The following CIITA variants were observed in gnomAD, a reference collection of about 807,000 sequenced individuals.
The protein encoded by CIITA is MHC class II transactivator.
Under a neutral mutation model 115.1 loss-of-function variants are expected in CIITA, and 72 were observed. The observed-to-expected ratio is 0.63, with a 90% confidence interval of 0.52 to 0.76. The LOEUF is 0.76. Among genes scored for constraint, CIITA ranks in the 30% least tolerant of loss-of-function variants. The pLI is 0.00. For missense variants in CIITA, 1,617 were observed against 1,463.8 expected (o/e 1.10, Z -1.71); for synonymous variants, 763 against 635.6 (o/e 1.20, Z -3.02).
chr16:10,883,821 G>C (rs984019384), intron 1 of CIITA, among the ~76,000 whole-genome samples: 3 of 152,212 alleles, frequency 2.0e-5, no homozygotes, highest in African/African-American at 7.2e-5. Flanking sequence ...GTGCAATGCA[G>C]TCACAACAGA....
rs747159521 is a variant in CIITA, at chr16:10,907,827, G to A, written c.2335G>A (p.Ala779Thr). Reference sequence around the variant, plus strand: ...GGGAGCCCTACTCGGGCCATCGGCGGCTGCCTCGGTGGACAGGAAGCAGAA... The same window carrying A: ...GGGAGCCCTACTCGGGCCATCGGCGACTGCCTCGGTGGACAGGAAGCAGAA... Reference protein sequence around the residue: ...CLGALLGPSAAASVDRKQKVL... With the variant: ...CLGALLGPSATASVDRKQKVL... Residue 779 changes from alanine (A) to threonine (T), a missense_variant, in exon 11 of 20, where the codon GCT becomes ACT. Ala to Thr is a moderately conservative substitution (Grantham distance 58, BLOSUM62 0). Transcript: ENST00000324288. This position sits in a 1 kb window ranked among gnomAD's most constrained non-coding sequence, Gnocchi z 5.0. The A allele has an allele frequency of 9.9e-6, 16 of 1,613,686 alleles. No homozygotes were observed. Among genetic ancestry groups the A allele is most frequent in the Middle Eastern group, 1.6e-4 (1 of 6,082 alleles).
chr16:10,903,959 G>A (rs988733329), intron 9 of CIITA, 64 bp downstream of exon 9: 1 of 1,607,178 alleles, frequency 6.2e-7, no homozygotes, highest in Non-Finnish European at 8.5e-7. Flanking sequence ...GGAAGGAATT[G>A]TCTCAAATAA....
intron 7 of CIITA, 81 bp downstream of exon 7, chr16:10,902,265 C>A: frequency 1.3e-6 from 2 of 1,570,244 alleles, no homozygotes; most frequent in South Asian, 1.1e-5. Context: ...CAGGGACTGT[C>A]AGGAACTGGA....
At chr16:10,893,941 C>T (rs2037859671) in intron 1 of CIITA, among the ~76,000 whole-genome samples, 1 of 151,860 alleles carries the variant, frequency 6.6e-6, no homozygotes, top group Non-Finnish European at 1.5e-5. Context: ...AACTCCAGAC[C>T]CATCAGCAGT....
At position 10,901,610 on chromosome 16, in the gene CIITA, G is replaced by A. The variant is rs1236975944; in HGVS notation, c.481+52G>A. Reference sequence around the variant, plus strand: ...GGGAAGGGTGGATGCCTTGGGGAGGGGATGGAAGAGATTGAACTCCTGGCC... The same window carrying A: ...GGGAAGGGTGGATGCCTTGGGGAGGAGATGGAAGAGATTGAACTCCTGGCC... On this transcript the variant is annotated intron_variant, in intron 6 of 19. Coordinates refer to ENST00000324288, the MANE Select transcript of CIITA (RefSeq NM_000246.4). The surrounding 1 kb of genome is among the most constrained non-coding windows in gnomAD (Gnocchi z 6.8). 3.2e-6 allele frequency: 5 copies of A among 1,576,112 alleles called. No individual in the cohort carries two copies. In the African/African-American group the frequency reaches 5.4e-5, roughly 17 times the overall value.
chr16:10,891,047 C>T (rs1362351667), intron 1 of CIITA, among the ~76,000 whole-genome samples: 1 of 152,184 alleles, frequency 6.6e-6, no homozygotes, highest in East Asian at 1.9e-4. Flanking sequence ...ATTTCTCTGA[C>T]TGTGTGCTTA....
At chr16:10,872,891 C>T (rs921518093), upstream of CIITA, among the ~76,000 whole-genome samples, 5 of 152,254 alleles carry the variant, frequency 3.3e-5, no homozygotes, top group African/African-American at 7.2e-5. Context: ...CCATTTGGAA[C>T]TGGAGGCTGC....
intron 13 of CIITA, among the ~76,000 whole-genome samples, chr16:10,912,877 G>A (rs1282150267): frequency 6.6e-6 from 1 of 152,232 alleles, no homozygotes; most frequent in African/African-American, 2.4e-5. Context: ...AGGAAGGAAG[G>A]AAAAGACTAT....
chr16:10,888,186 T>C (rs1007182480), intron 1 of CIITA: 2 of 152,254 alleles, frequency 1.3e-5, no homozygotes, highest in African/African-American at 4.8e-5. Flanking sequence ...GAGCACTTAC[T>C]GGTCGCCAGT....
intron 1 of CIITA, among the ~76,000 whole-genome samples, chr16:10,880,723 G>A (rs555466402): frequency 6.6e-6 from 1 of 152,276 alleles, no homozygotes; most frequent in African/African-American, 2.4e-5. Context: ...ATTAACCCAA[G>A]GAAACTCTGG....
chr16:10,877,299 G>A lies in CIITA; in HGVS notation c.-32G>A, dbSNP rs377607198. The A allele has an allele frequency of 2.6e-5, 41 of 1,607,520 alleles. No individual in the cohort carries two copies. The highest frequency in any genetic ancestry group is 3.1e-5 in the Non-Finnish European group (37 of 1,176,644). On this transcript the variant is annotated 5_prime_UTR_variant, in exon 1 of 20. Coordinates refer to ENST00000324288, the MANE Select transcript of CIITA (RefSeq NM_000246.4). ...GCACGAGGAGGGGCTGCCAGACTCCGGGAGCTGCTGCCTGGCTGGGATTCC... is the reference window on the plus strand; with the variant it reads ...GCACGAGGAGGGGCTGCCAGACTCCAGGAGCTGCTGCCTGGCTGGGATTCC...
At chr16:10,900,039 C>G (rs2144468271) in intron 5 of CIITA, among the ~76,000 whole-genome samples, 1 of 152,200 alleles carries the variant, frequency 6.6e-6, no homozygotes, top group East Asian at 1.9e-4. Flanking sequence ...TAAGATCACG[C>G]CACTGCACTC....
chr16:10,927,278 A>G lies in CIITA; in HGVS notation c.*3423A>G. 1 of 152,098 alleles carries G rather than the reference A, an allele frequency of 6.6e-6. No homozygotes were observed. The highest frequency in any genetic ancestry group is 1.9e-4 in the East Asian group (1 of 5,198). 9.4% of individuals were successfully genotyped at this position (152,098 alleles called of 1,614,324 possible). A position where few individuals can be genotyped will look rare whatever the true frequency, so the allele number is the denominator to read the frequency against. On this transcript the variant is annotated 3_prime_UTR_variant, in exon 20 of 20. Coordinates refer to ENST00000324288, the MANE Select transcript of CIITA (RefSeq NM_000246.4). ...GGGACTTGCCCCATTCTCCAACCCC[A>G]TCACTAGTTTTATCTTTTTCACTTA...
upstream of CIITA, chr16:10,877,123 GGA>G (rs1167683319): frequency 3.1e-6 from 2 of 635,224 alleles, no homozygotes; most frequent in African/African-American, 3.6e-5. Flanking sequence ...CACCTTGCAG[GGA>G]GAGTTTTTTT....
rs1195690540 is a variant in CIITA, at chr16:10,928,671, T to G, written c.*4816T>G. The stretch of plus-strand genomic sequence containing the variant: ...CCCCCACTTCTATGGGATTCAGGCC[T>G]GGTTTCCAGCTTGGCCTTCAGGCTT... On this transcript the variant is annotated 3_prime_UTR_variant, in exon 20 of 20. Transcript: ENST00000324288. The G allele has an allele frequency of 2.0e-5, 3 of 152,296 alleles. No individual in the cohort carries two copies. The highest frequency in any genetic ancestry group is 4.4e-5 in the Non-Finnish European group (3 of 68,110). 9.4% of individuals were successfully genotyped at this position (152,296 alleles called of 1,614,324 possible). A position where few individuals can be genotyped will look rare whatever the true frequency, so the allele number is the denominator to read the frequency against.
chr16:10,900,644 GT>G (rs373279020), intron 5 of CIITA, among the ~76,000 whole-genome samples: 17 of 152,164 alleles, frequency 1.1e-4, no homozygotes, highest in Middle Eastern at 3.4e-3. Flanking sequence ...GGAGGCTAGG[GT>G]GGGAGAATCG....
At position 10,920,682 on chromosome 16, in the gene CIITA, A is replaced by G. The variant is rs146012244; in HGVS notation, c.3150-1485A>G. Among the ~76,000 whole-genome samples the G allele has an allele frequency of 6.6e-6, 1 of 152,288 alleles. No homozygotes were observed. The highest frequency in any genetic ancestry group is 1.5e-5 in the Non-Finnish European group (1 of 68,028). ...CACATCCTGATCTCAATGATATTCA[A>G]ATGGTGACATATATGTCTTGGCATC... On this transcript the variant is annotated intron_variant, in intron 16 of 19. Coordinates refer to ENST00000324288, the MANE Select transcript of CIITA (RefSeq NM_000246.4). The surrounding 1 kb of genome is among the most constrained non-coding windows in gnomAD (Gnocchi z 4.5).
At chr16:10,895,833 T>A in intron 3 of CIITA, 69 bp downstream of exon 3, 1 of 1,459,146 alleles carries the variant, frequency 6.9e-7, no homozygotes, top group Non-Finnish European at 9.6e-7. Flanking sequence ...CTTGTCAATA[T>A]CACCCATTCA....
At chr16:10,938,514 G>A (rs2041060241), downstream of CIITA, 1 of 152,182 alleles carries the variant, frequency 6.6e-6, no homozygotes, top group African/African-American at 2.4e-5. This position sits in a 1 kb window ranked among gnomAD's most constrained non-coding sequence, Gnocchi z 4.9. Flanking sequence ...ACATGAGAAT[G>A]GCTGAGAAAG....
Sources: gnomAD v4.1 joint callset for allele counts (sites outside exome capture counted in the v4.1 genomes callset) on GRCh38, gnomAD v4.1.1 for gene constraint, Gnocchi (gnomAD v3.1) non-coding constraint, MANE v1.5 for transcripts, NCBI Gene and HGNC (gene_info 2026-07-23, HGNC 2026-07-21) for gene names.